CLPTM1L: variants seen among roughly 807,000 people sequenced by gnomAD.
The protein encoded by CLPTM1L is CLPTM1 like.
A neutral mutation model predicts 70.9 loss-of-function variants in CLPTM1L; 38 were observed. That is an observed-to-expected ratio of 0.54 (90% CI 0.41 to 0.70). The LOEUF is 0.70. CLPTM1L is among the 30% of genes least tolerant of loss of function. The probability of loss-of-function intolerance (pLI) is 0.00; values close to 1 mark genes in which losing one functional copy is unlikely to be tolerated. For synonymous variants in CLPTM1L, 339 were observed against 299.9 expected, an observed-to-expected ratio of 1.13 and a Z score of -1.35; for missense variants, 652 against 705.9, an observed-to-expected ratio of 0.92 and a Z score of 0.87.
chr5:1,334,193 G>T, intron 7 of CLPTM1L, 96 bp downstream of exon 7: 1 of 813,690 alleles, frequency 1.2e-6, no homozygotes, highest in South Asian at 1.5e-5. Flanking sequence ...GGGCTGGACG[G>T]CGCCCACAAA....
chr5:1,318,813 T>G lies in CLPTM1L; in HGVS notation c.1533-360A>C, dbSNP rs1313353956. Among the ~76,000 whole-genome samples the G allele has an allele frequency of 6.6e-6, 1 of 152,134 alleles. No individual in the cohort carries two copies. The highest frequency in any genetic ancestry group is 1.5e-5 in the Non-Finnish European group (1 of 68,028). ...AGTGATCAGAACAGGAACCGCTGTGTTCAGGGACCACGTCTCATCAGCTGT... is the reference window on the plus strand; with the variant it reads ...AGTGATCAGAACAGGAACCGCTGTGGTCAGGGACCACGTCTCATCAGCTGT... On this transcript the variant is annotated intron_variant, in intron 16 of 16. Coordinates refer to ENST00000320895, the MANE Select transcript of CLPTM1L (RefSeq NM_030782.5). This position sits in a 1 kb window ranked among gnomAD's most constrained non-coding sequence, Gnocchi z 8.9.
At chr5:1,326,495 T>C (rs1457788666) in intron 9 of CLPTM1L, 4 of 251,016 alleles carry the variant, frequency 1.6e-5, no homozygotes, top group Non-Finnish European at 3.0e-5. Flanking sequence ...GCTCCTCCTC[T>C]ACAGGGACAT....
At chr5:1,323,438 C>T (rs987789273) in intron 12 of CLPTM1L, among the ~76,000 whole-genome samples, 71 of 150,848 alleles carry the variant, frequency 4.7e-4, no homozygotes, top group African/African-American at 1.7e-3. Flanking sequence ...TCAGGGCCAA[C>T]ACCCCACCCA....
At chr5:1,329,340 C>T (rs1036662398) in intron 9 of CLPTM1L, among the ~76,000 whole-genome samples, 6 of 152,286 alleles carry the variant, frequency 3.9e-5, no homozygotes, top group Non-Finnish European at 8.8e-5. Context: ...CAAGGCCCCA[C>T]GGTTTACACC....
chr5:1,320,088 T>A (rs1469339854), intron 16 of CLPTM1L: 1 of 152,260 alleles, frequency 6.6e-6, no homozygotes, highest in Non-Finnish European at 1.5e-5. Context: ...AGCCTTTTCC[T>A]CAGCCGTCAG....
At position 1,321,698 on chromosome 5, in the gene CLPTM1L, G is replaced by A. The variant is rs1322577451; in HGVS notation, c.1372-19C>T. The A allele has an allele frequency of 2.5e-6, 4 of 1,613,898 alleles. No homozygotes were observed. The highest frequency in any genetic ancestry group is 1.3e-5 in the African/African-American group (1 of 74,938). ...ACTTCAACTGAAACAGGAGAGACAG[G>A]CCCAGGTCAGCTGTGGGCAGCACAG... On this transcript the variant is annotated intron_variant, in intron 14 of 16. Transcript: ENST00000320895.
chr5:1,331,934 C>T, intron 7 of CLPTM1L, 51 bp from the exon 8 acceptor site: 1 of 1,477,742 alleles, frequency 6.8e-7, no homozygotes, highest in Non-Finnish European at 9.4e-7. Context: ...GTTTCCATCT[C>T]CTGTGAGACA....
intron 5 of CLPTM1L, among the ~76,000 whole-genome samples, chr5:1,336,215 G>C (rs1207779227): frequency 6.6e-6 from 1 of 152,248 alleles, no homozygotes; most frequent in East Asian, 1.9e-4. Context: ...GCTGGGCCCA[G>C]CCACAGAAGG....
rs1754021083 is a variant in CLPTM1L, at chr5:1,342,614, A to C, written c.264-754T>G. 6.6e-6 allele frequency among the ~76,000 whole-genome samples: 1 copy of C among 152,206 alleles called. No individual in the cohort carries two copies. Reference sequence around the variant, plus strand: ...CTTTAAAAGTCTCTTTTTTGAGACAAGGTCTCGCTGTCACCAGGCTGAAAG... The same window carrying C: ...CTTTAAAAGTCTCTTTTTTGAGACACGGTCTCGCTGTCACCAGGCTGAAAG... On this transcript the variant is annotated intron_variant, in intron 2 of 16. Transcript: ENST00000320895. This position sits in a 1 kb window ranked among gnomAD's most constrained non-coding sequence, Gnocchi z 4.3.
At chr5:1,338,741 C>T (rs955511203) in intron 4 of CLPTM1L, 119 bp downstream of exon 4, 13 of 1,164,848 alleles carry the variant, frequency 1.1e-5, no homozygotes, top group Admixed American at 2.2e-5. Context: ...GAGGCCCGGG[C>T]AGCAAGTGCC....
Position 1,318,398 on chromosome 5 carries a change from T to A in CLPTM1L, c.1588A>T (p.Lys530Ter), listed in dbSNP as rs1246113139. Residue 530 changes from lysine to a stop codon, truncating the protein, a stop_gained, in exon 17 of 17, where the codon AAG becomes TAG. Coordinates refer to ENST00000320895, the MANE Select transcript of CLPTM1L (RefSeq NM_030782.5). LOFTEE classifies it high-confidence loss of function. This position sits in a 1 kb window ranked among gnomAD's most constrained non-coding sequence, Gnocchi z 8.9. Reference protein sequence around the residue: ...VNEFGESYEEKATRAPHTD With the variant: ...VNEFGESYEE The stretch of plus-strand genomic sequence containing the variant: ...TCCGTGTGGGGCGCCCGCGTGGCCT[T>A]CTCCTCGTAGGACTCCCCAAACTCG... 12 of 1,613,784 alleles carry A rather than the reference T, an allele frequency of 7.4e-6. No individual in the cohort carries two copies. The highest frequency in any genetic ancestry group is 8.5e-6 in the Non-Finnish European group (10 of 1,179,978).
chr5:1,318,676 G>A lies in CLPTM1L; in HGVS notation c.1533-223C>T, dbSNP rs918864999. On this transcript the variant is annotated intron_variant, in intron 16 of 16. Coordinates refer to ENST00000320895, the MANE Select transcript of CLPTM1L (RefSeq NM_030782.5). The surrounding 1 kb of genome is among the most constrained non-coding windows in gnomAD (Gnocchi z 8.9). ...GCCAGCGTGCTGCTCTCAAGGAAAG[G>A]GAAGCTTGGCCGAAGGGACGACCCG... 6.6e-6 allele frequency among the ~76,000 whole-genome samples: 1 copy of A among 152,206 alleles called. No individual in the cohort carries two copies. Among genetic ancestry groups the A allele is most frequent in the Non-Finnish European group, 1.5e-5 (1 of 68,046 alleles).
At chr5:1,339,510 C>G (rs1753808506) in intron 3 of CLPTM1L, among the ~76,000 whole-genome samples, 1 of 126,694 alleles carries the variant, frequency 7.9e-6, no homozygotes, top group Admixed American at 7.8e-5. Flanking sequence ...GTGCCCGGGA[C>G]AGCAGGGTCA....
At chr5:1,329,350 C>T (rs746442982) in intron 9 of CLPTM1L, among the ~76,000 whole-genome samples, 4 of 152,282 alleles carry the variant, frequency 2.6e-5, no homozygotes, top group Non-Finnish European at 5.9e-5. Flanking sequence ...CGGTTTACAC[C>T]TCTGCTTTGC....
intron 7 of CLPTM1L, among the ~76,000 whole-genome samples, chr5:1,332,820 C>CAT: frequency 1.3e-5 from 2 of 152,342 alleles, no homozygotes; most frequent in South Asian, 4.1e-4. Flanking sequence ...TTACATAATA[C>CAT]ATATATTCAT....
At chr5:1,324,725 G>T (rs754506033) in intron 11 of CLPTM1L, 38 bp downstream of exon 11, 2 of 1,589,454 alleles carry the variant, frequency 1.3e-6, no homozygotes, top group Non-Finnish European at 1.7e-6. Flanking sequence ...TGTTGGATTT[G>T]CCTGGCATGC....
rs557550066 is a variant in CLPTM1L at position 1,334,903 on chromosome 5, A to C, written c.796+154T>G. Among the ~76,000 whole-genome samples, 8 of 152,390 alleles carry C rather than the reference A, an allele frequency of 5.2e-5. No homozygotes were observed. The East Asian group carries it at 1.5e-3, about 29-fold the overall frequency. ...CAACCAGGTCATCTCCAAGGAGAGA[A>C]GTGAGGCAGGCGCTGCTAGCCTCTG... On this transcript the variant is annotated intron_variant, in intron 6 of 16. Transcript: ENST00000320895.
chr5:1,326,339 C>A (rs1435159245), intron 9 of CLPTM1L: 7 of 264,502 alleles, frequency 2.6e-5, no homozygotes, highest in Non-Finnish European at 4.3e-5. Flanking sequence ...CATCCAGCTC[C>A]TCCTCTACAG....
intron 4 of CLPTM1L, 182 bp from the exon 5 acceptor site, chr5:1,338,164 A>C: frequency 1.6e-6 from 1 of 617,424 alleles, no homozygotes; most frequent in Non-Finnish European, 2.9e-6. Flanking sequence ...CTGACAACAT[A>C]TGCACGCTTG....
Sources: allele counts gnomAD v4.1 joint callset (sites outside exome capture counted in the v4.1 genomes callset), GRCh38; gene constraint gnomAD v4.1.1; non-coding constraint Gnocchi (gnomAD v3.1); transcripts MANE v1.5; gene names NCBI Gene and HGNC (gene_info 2026-07-23, HGNC 2026-07-21).